Variants in BLTP3B observed in about 807,000 individuals in gnomAD.
The protein encoded by BLTP3B is bridge-like lipid transfer protein family member 3B.
chr12:100,131,022 A>T, the BLTP3B span, among the ~76,000 whole-genome samples: 3 of 139,716 alleles, frequency 2.1e-5, no homozygotes, highest in African/African-American at 8.3e-5. Flanking sequence ...AGAGAGAGAG[A>T]GAGAGAGAGA....
At chr12:100,061,659 A>C in the BLTP3B span, among the ~76,000 whole-genome samples, 1 of 137,612 alleles carries the variant, frequency 7.3e-6, no homozygotes, top group African/African-American at 2.5e-5. Context: ...TCCGTCTCAA[A>C]AAAAAAAAAA....
chr12:100,089,002 C>A, the BLTP3B span: 1 of 1,611,814 alleles, frequency 6.2e-7, no homozygotes, highest in Admixed American at 1.7e-5. Context: ...ACATCAAAAT[C>A]ATTGAATAGT....
the BLTP3B span, among the ~76,000 whole-genome samples, chr12:100,130,831 G>T: frequency 1.3e-5 from 2 of 152,078 alleles, no homozygotes; most frequent in African/African-American, 4.8e-5. Context: ...GGCTGAGGCA[G>T]GAGAATCATT....
the BLTP3B span, among the ~76,000 whole-genome samples, chr12:100,142,155 G>A: frequency 6.6e-6 from 1 of 152,212 alleles, no homozygotes; most frequent in Non-Finnish European, 1.5e-5. Flanking sequence ...CACTGCGCCA[G>A]AAGCCCTCGG....
chr12:100,126,734 T>C, the BLTP3B span, among the ~76,000 whole-genome samples: 1 of 152,170 alleles, frequency 6.6e-6, no homozygotes, highest in South Asian at 2.1e-4. Flanking sequence ...TACAGAAGTA[T>C]GAGACCCAAA....
At chr12:100,068,717 A>G in the BLTP3B span, among the ~76,000 whole-genome samples, 1 of 152,266 alleles carries the variant, frequency 6.6e-6, no homozygotes, top group African/African-American at 2.4e-5. Flanking sequence ...AAAAGAACAT[A>G]TACAAATGGC....
At chr12:100,085,462 A>G in the BLTP3B span, among the ~76,000 whole-genome samples, 35,595 of 152,126 alleles carry the variant, frequency 0.23, 5,627 homozygotes, top group African/African-American at 0.45. Flanking sequence ...GATAGTATAT[A>G]AGACAAAATC....
chr12:100,057,904 C>A, the BLTP3B span: 1 of 1,309,600 alleles, frequency 7.6e-7, no homozygotes, highest in Non-Finnish European at 1.0e-6. Context: ...AACATCTACT[C>A]TTCTACATGT....
the BLTP3B span, among the ~76,000 whole-genome samples, chr12:100,109,806 G>T: frequency 1.3e-5 from 2 of 151,450 alleles, no homozygotes; most frequent in Admixed American, 6.6e-5. Flanking sequence ...GTTAATGTAA[G>T]AGTGAGCATT....
the BLTP3B span, among the ~76,000 whole-genome samples, chr12:100,114,464 A>G: frequency 1.2e-4 from 18 of 152,226 alleles, no homozygotes; most frequent in Non-Finnish European, 2.5e-4. Flanking sequence ...AATCCTTAAT[A>G]TGAACCAGTA....
At chr12:100,099,430 T>C in the BLTP3B span, among the ~76,000 whole-genome samples, 1 of 151,450 alleles carries the variant, frequency 6.6e-6, no homozygotes, top group Non-Finnish European at 1.5e-5. Flanking sequence ...AGTTTGAAAC[T>C]AGCCTGGGCA....
the BLTP3B span, among the ~76,000 whole-genome samples, chr12:100,093,169 T>C: frequency 5.3e-5 from 8 of 152,336 alleles, no homozygotes; most frequent in African/African-American, 1.7e-4. Context: ...CAGTGGTCTG[T>C]TTGCCAAACG....
the BLTP3B span, among the ~76,000 whole-genome samples, chr12:100,127,043 T>A: frequency 6.8e-6 from 1 of 147,914 alleles, no homozygotes; most frequent in Non-Finnish European, 1.5e-5. Context: ...TCACCTTGAA[T>A]AAGCTAAGCA....
chr12:100,086,474 T>A, the BLTP3B span: 1 of 624,406 alleles, frequency 1.6e-6, no homozygotes, highest in South Asian at 2.2e-5. Context: ...GTCTCTCTTT[T>A]ATGACGGCAC....
chr12:100,052,354 A>C, the BLTP3B span, among the ~76,000 whole-genome samples: 1 of 151,986 alleles, frequency 6.6e-6, no homozygotes, highest in Non-Finnish European at 1.5e-5. Flanking sequence ...CCTCTAAACA[A>C]ATTTTTTTAA....
the BLTP3B span, chr12:100,039,444 A>C: frequency 2.9e-6 from 2 of 686,172 alleles, no homozygotes; most frequent in African/African-American, 3.7e-5. Context: ...TTTGCTCAAC[A>C]CTCTAACCAT....
chr12:100,049,773 A>G, the BLTP3B span, among the ~76,000 whole-genome samples: 1 of 152,222 alleles, frequency 6.6e-6, no homozygotes, highest in South Asian at 2.1e-4. Context: ...CTTGCTGAAC[A>G]AGAGAACTTG....
the BLTP3B span, among the ~76,000 whole-genome samples, chr12:100,040,838 C>T: frequency 2.0e-5 from 3 of 152,068 alleles, no homozygotes; most frequent in African/African-American, 7.2e-5. Flanking sequence ...ATAAAACTAC[C>T]CACAAAGAAA....
the BLTP3B span, among the ~76,000 whole-genome samples, chr12:100,065,892 C>T: frequency 6.6e-6 from 1 of 152,042 alleles, no homozygotes; most frequent in South Asian, 2.1e-4. Context: ...GTTCATACAC[C>T]CCCTCCCCTT....
Sources: gnomAD v4.1 joint callset for allele counts (sites outside exome capture counted in the v4.1 genomes callset) on GRCh38, gnomAD v4.1.1 for gene constraint, MANE v1.5 for transcripts, NCBI Gene and HGNC (gene_info 2026-07-23, HGNC 2026-07-21) for gene names.